CADM1: variants seen among roughly 807,000 people sequenced by gnomAD.
The protein encoded by CADM1 is TSLC-1.
Under a neutral mutation model 53.1 loss-of-function variants are expected in CADM1, and 15 were observed. The observed-to-expected ratio is 0.28, with a 90% confidence interval of 0.19 to 0.44. The LOEUF is 0.44. Ranked by LOEUF, CADM1 falls within the 20% of genes least tolerant of loss-of-function variation. The pLI is 1.00. For synonymous variants in CADM1, 281 were observed against 243.0 expected, an observed-to-expected ratio of 1.16 and a Z score of -1.45; for missense variants, 434 against 611.3, an observed-to-expected ratio of 0.71 and a Z score of 3.06.
chr11:115,473,990 G>GT (rs1565445012), intron 1 of CADM1, among the ~76,000 whole-genome samples: 1 of 151,936 alleles, frequency 6.6e-6, no homozygotes, highest in African/African-American at 2.4e-5. Flanking sequence ...AAATGGCCTA[G>GT]TTTTTAAAAA....
At chr11:115,396,989 T>C (rs369559256) in intron 1 of CADM1, 13 of 152,210 alleles carry the variant, frequency 8.5e-5, no homozygotes, top group African/African-American at 3.1e-4. Context: ...GACAGCAGCA[T>C]AAATACAGGA....
chr11:115,238,541 G>C lies in CADM1; in HGVS notation c.383C>G (p.Thr128Ser), dbSNP rs1425538742. The change falls in exon 3 of 12, where the codon ACC (threonine) becomes AGC (serine). Residue 128 changes from threonine to serine, a missense_variant. By Grantham distance (58) the Thr-to-Ser change is moderately conservative. Around this residue, in one of 4 missense-constraint regions of CADM1, gnomAD observed 311 missense variants for 435.1 expected, o/e 0.71. Transcript: ENST00000331581. Reference sequence around the variant, plus strand: ...GGTGTAACTTTCCTGTGGGGGATCGGTATAGAGCTGGCAAAAGTATCTTCC... The same window carrying C: ...GGTGTAACTTTCCTGTGGGGGATCGCTATAGAGCTGGCAAAAGTATCTTCC... Reference protein sequence around the residue: ...DEGRYFCQLYTDPPQESYTTI... With the variant: ...DEGRYFCQLYSDPPQESYTTI... 6.2e-7 allele frequency: 1 copy of C among 1,613,838 alleles called. No individual in the cohort carries two copies. The highest frequency in any genetic ancestry group is 1.1e-5 in the South Asian group (1 of 91,070).
chr11:115,340,658 A>ATATATATATATATAT (rs60532835), intron 1 of CADM1, among the ~76,000 whole-genome samples: 1 of 34,936 alleles, frequency 2.9e-5, no homozygotes, highest in African/African-American at 1.4e-4. Flanking sequence ...ATATATATAT[A>ATATATATATATATAT]TTTTTTTTTT....
intron 2 of CADM1, among the ~76,000 whole-genome samples, chr11:115,239,981 C>G (rs933238953): frequency 1.3e-5 from 2 of 152,020 alleles, no homozygotes; most frequent in African/African-American, 4.8e-5. Flanking sequence ...CTTGCCTTAC[C>G]CTGTTGAGTT....
chr11:115,346,219 C>T (rs1945573023), intron 1 of CADM1, among the ~76,000 whole-genome samples: 1 of 152,296 alleles, frequency 6.6e-6, no homozygotes, highest in South Asian at 2.1e-4. Flanking sequence ...ATTGACTTAC[C>T]TTGCCACCCA....
At chr11:115,259,834 T>C (rs1047629497) in intron 1 of CADM1, among the ~76,000 whole-genome samples, 1 of 152,208 alleles carries the variant, frequency 6.6e-6, no homozygotes, top group African/African-American at 2.4e-5. Flanking sequence ...CCTGGCTCCA[T>C]GCCCTTCCCA....
chr11:115,231,336 GGCAATCTGCA>G lies in CADM1; in HGVS notation c.562+7_562+16del. 1.2e-6 allele frequency: 2 copies of G among 1,613,916 alleles called. No homozygotes were observed. Among genetic ancestry groups the G allele is most frequent in the Middle Eastern group, 1.6e-4 (1 of 6,062 alleles). On this transcript the variant is annotated splice_region_variant and intron_variant, in intron 4 of 11. Transcript: ENST00000331581. ...GAATCAGCTAACTACTTCAGTGTGT[GGCAATCTGCA>G]GCTTACCTTTTAGCTCTGTGTTCCC...
intron 1 of CADM1, chr11:115,445,746 A>G: frequency 2.2e-6 from 1 of 451,864 alleles, no homozygotes; most frequent in African/African-American, 2.0e-5. Context: ...TGAGAGGCTG[A>G]GGTAGAAGAA....
chr11:115,238,971 T>C (rs369752306), intron 2 of CADM1, among the ~76,000 whole-genome samples: 1 of 152,188 alleles, frequency 6.6e-6, no homozygotes, highest in African/African-American at 2.4e-5. Flanking sequence ...TACTCATACA[T>C]GTTTTCAGGT....
At chr11:115,492,248 T>C (rs957736016) in intron 1 of CADM1, among the ~76,000 whole-genome samples, 2 of 152,126 alleles carry the variant, frequency 1.3e-5, no homozygotes, top group African/African-American at 4.8e-5. Flanking sequence ...TGTGAAAGTT[T>C]AAGAGAATAG....
At chr11:115,226,516 G>A (rs1941614108) in intron 5 of CADM1, among the ~76,000 whole-genome samples, 1 of 152,136 alleles carries the variant, frequency 6.6e-6, no homozygotes, top group African/African-American at 2.4e-5. Context: ...TTAAAATACA[G>A]GTGCAATGTT....
intron 1 of CADM1, among the ~76,000 whole-genome samples, chr11:115,452,781 C>G (rs1279075610): frequency 6.6e-6 from 1 of 152,024 alleles, no homozygotes; most frequent in African/African-American, 2.4e-5. Flanking sequence ...TTTTTTCCAC[C>G]TTTTAAGAGA....
chr11:115,314,506 T>C (rs1241643330), intron 1 of CADM1, among the ~76,000 whole-genome samples: 1 of 152,164 alleles, frequency 6.6e-6, no homozygotes, highest in Non-Finnish European at 1.5e-5. Context: ...AGTAGATAAG[T>C]GAGCCCTCAG....
At chr11:115,424,769 G>T (rs1009701373) in intron 1 of CADM1, among the ~76,000 whole-genome samples, 1 of 151,900 alleles carries the variant, frequency 6.6e-6, no homozygotes, top group African/African-American at 2.4e-5. Flanking sequence ...CAAATGATCT[G>T]CCCACCTCGG....
intron 1 of CADM1, among the ~76,000 whole-genome samples, chr11:115,482,368 G>C (rs1021306656): frequency 4.6e-5 from 7 of 152,218 alleles, no homozygotes; most frequent in Admixed American, 6.5e-5. Context: ...TGATGGAAGA[G>C]AGCCTATATA....
chr11:115,236,066 C>T (rs1565315831), intron 3 of CADM1, among the ~76,000 whole-genome samples: 1 of 152,186 alleles, frequency 6.6e-6, no homozygotes, highest in East Asian at 1.9e-4. Flanking sequence ...TAACAAGTAC[C>T]CGCCTCCATA....
intron 1 of CADM1, among the ~76,000 whole-genome samples, chr11:115,407,183 G>A (rs1311293325): frequency 1.3e-5 from 2 of 152,102 alleles, no homozygotes; most frequent in African/African-American, 2.4e-5. Context: ...AGGTTTGGGC[G>A]AAGGCTAAAA....
At chr11:115,340,009 G>A (rs1303389473) in intron 1 of CADM1, 1 of 152,078 alleles carries the variant, frequency 6.6e-6, no homozygotes, top group Non-Finnish European at 1.5e-5. Context: ...TTTCAAATCA[G>A]CCTACTCATC....
intron 5 of CADM1, among the ~76,000 whole-genome samples, chr11:115,228,671 C>T (rs1941703316): frequency 6.6e-6 from 1 of 152,102 alleles, no homozygotes; most frequent in Non-Finnish European, 1.5e-5. Flanking sequence ...GTCGACTTTT[C>T]AACTCATTGC....
Sources: allele counts gnomAD v4.1 joint callset (sites outside exome capture counted in the v4.1 genomes callset), GRCh38; gene constraint gnomAD v4.1.1; regional missense constraint gnomAD v4.1.1; transcripts MANE v1.5; gene names NCBI Gene and HGNC (gene_info 2026-07-23, HGNC 2026-07-21).